RXFP1: variants seen among roughly 807,000 people sequenced by gnomAD.
RXFP1 encodes relaxin receptor 1.
Under a neutral mutation model 89.8 loss-of-function variants are expected in RXFP1, and 73 were observed. That is an observed-to-expected ratio of 0.81 (90% CI 0.67 to 0.99). The LOEUF (loss-of-function observed/expected upper bound fraction) is 0.99. Among genes scored for constraint, RXFP1 ranks in the 50% least tolerant of loss-of-function variants. The pLI, the probability that RXFP1 is intolerant of heterozygous loss-of-function variation, is 0.00. For missense variants in RXFP1, 793 were observed against 895.5 expected (o/e 0.89, Z 1.46); for synonymous variants, 277 against 305.5 (o/e 0.91, Z 0.97).
chr4:158,560,792 C>G (rs142969282), intron 1 of RXFP1, among the ~76,000 whole-genome samples: 255 of 152,298 alleles, frequency 1.7e-3, no homozygotes, highest in Non-Finnish European at 3.1e-3. Context: ...TCTCTTGTGT[C>G]AAGAAAGCTA....
At chr4:158,529,104 A>G (rs1487454681) in intron 1 of RXFP1, among the ~76,000 whole-genome samples, 1 of 152,214 alleles carries the variant, frequency 6.6e-6, no homozygotes, top group African/African-American at 2.4e-5. Flanking sequence ...AAGGACACTC[A>G]CAGAGCAACA....
At position 158,644,953 on chromosome 4, in the gene RXFP1, G is replaced by A. The variant is rs946293273; in HGVS notation, c.1160G>A (p.Arg387His). Residue 387 changes from arginine to histidine, a missense_variant, in exon 15 of 18, where the codon CGC becomes CAC. Arg to His is a conservative substitution (Grantham distance 29). Coordinates refer to ENST00000307765, the MANE Select transcript of RXFP1 (RefSeq NM_021634.4). ...TACTGTGGGTATGCACCACATGTTC[G>A]CAGCTGTAAACCAAACACTGATGGA... Reference protein sequence around the residue: ...FQYCGYAPHVRSCKPNTDGIS... With the variant: ...FQYCGYAPHVHSCKPNTDGIS... The A allele has an allele frequency of 4.3e-6, 7 of 1,613,922 alleles. No individual in the cohort carries two copies. Among genetic ancestry groups the A allele is most frequent in the Non-Finnish European group, 5.9e-6 (7 of 1,179,964 alleles).
In RXFP1 at chr4:158,648,703, A is replaced by G. The variant is rs746926440; in HGVS notation, c.1961A>G (p.Gln654Arg). The G allele has an allele frequency of 6.3e-7, 1 of 1,582,254 alleles. No individual in the cohort carries two copies. Residue 654 changes from glutamine to arginine, a missense_variant, in exon 17 of 18, where the codon CAG (glutamine) becomes CGG (arginine). Gln to Arg is a conservative substitution (Grantham distance 43). Transcript: ENST00000307765. Reference sequence around the variant, plus strand: ...GTAGTGAAATTTCTTTCACTGCTTCAGGTAGAAATACCAGGTACAATATTT... The same window carrying G: ...GTAGTGAAATTTCTTTCACTGCTTCGGGTAGAAATACCAGGTACAATATTT... Reference protein sequence around the residue: ...IFVVKFLSLLQVEIPGTITSW... With the variant: ...IFVVKFLSLLRVEIPGTITSW...
intron 2 of RXFP1, among the ~76,000 whole-genome samples, chr4:158,576,714 A>G (rs1756293935): frequency 6.6e-6 from 1 of 152,130 alleles, no homozygotes; most frequent in African/African-American, 2.4e-5. Context: ...TAGCTCCTCT[A>G]GGAAAACCGG....
chr4:158,643,476 T>TTG (rs1483687437), intron 14 of RXFP1, among the ~76,000 whole-genome samples: 1 of 145,078 alleles, frequency 6.9e-6, no homozygotes. Context: ...TAGTTTTTTT[T>TTG]TTTTTTTTTT....
At chr4:158,596,848 A>C (rs559263981) in intron 3 of RXFP1, among the ~76,000 whole-genome samples, 68 of 152,234 alleles carry the variant, frequency 4.5e-4, no homozygotes, top group Non-Finnish European at 8.1e-4. Context: ...AAAGCAAAAC[A>C]AACAAATGGG....
intron 4 of RXFP1, among the ~76,000 whole-genome samples, chr4:158,603,567 T>C (rs1233967937): frequency 3.9e-5 from 6 of 152,058 alleles, no homozygotes; most frequent in Admixed American, 2.0e-4. Context: ...CTTTTTTTTT[T>C]CTATTTGTCC....
intron 4 of RXFP1, among the ~76,000 whole-genome samples, chr4:158,600,748 G>A (rs946834720): frequency 6.6e-6 from 1 of 151,862 alleles, no homozygotes; most frequent in Non-Finnish European, 1.5e-5. Flanking sequence ...GATCACTTGA[G>A]CCTGGGAGGT....
intron 1 of RXFP1, among the ~76,000 whole-genome samples, chr4:158,538,158 T>G (rs766353019): frequency 6.6e-6 from 1 of 152,146 alleles, no homozygotes; most frequent in Non-Finnish European, 1.5e-5. Flanking sequence ...AAGGTAAAGG[T>G]TAAAAGTTTG....
At chr4:158,625,775 C>T (rs1181784973) in intron 9 of RXFP1, among the ~76,000 whole-genome samples, 1 of 152,048 alleles carries the variant, frequency 6.6e-6, no homozygotes, top group African/African-American at 2.4e-5. Flanking sequence ...CACTTCTGCT[C>T]ACATGTTTTA....
intron 1 of RXFP1, among the ~76,000 whole-genome samples, chr4:158,551,400 A>G (rs1750077852): frequency 2.0e-5 from 3 of 152,230 alleles, no homozygotes; most frequent in Admixed American, 2.0e-4. Flanking sequence ...ACAAATAAGA[A>G]TTAAAAAATC....
At chr4:158,591,501 C>A (rs528772222) in intron 2 of RXFP1, among the ~76,000 whole-genome samples, 1 of 151,166 alleles carries the variant, frequency 6.6e-6, no homozygotes, top group African/African-American at 2.4e-5. Flanking sequence ...ATAATCCCAG[C>A]ACTTTTCGAG....
intron 14 of RXFP1, among the ~76,000 whole-genome samples, chr4:158,639,975 C>G (rs1209571587): frequency 2.0e-5 from 3 of 152,178 alleles, no homozygotes; most frequent in Admixed American, 2.0e-4. Flanking sequence ...CTACCAGACA[C>G]TGAATCTGCT....
chr4:158,596,430 A>T (rs1485294346), intron 3 of RXFP1, among the ~76,000 whole-genome samples: 3 of 151,680 alleles, frequency 2.0e-5, no homozygotes, highest in Non-Finnish European at 4.4e-5. Context: ...CTGGCTAATT[A>T]TGTATTTTTA....
At chr4:158,648,767 G>T in intron 17 of RXFP1, 50 bp downstream of exon 17, 1 of 1,153,302 alleles carries the variant, frequency 8.7e-7, no homozygotes, top group Non-Finnish European at 1.2e-6. Context: ...TGTTTTTACA[G>T]TGTTCTTTTA....
At chr4:158,544,301 G>C (rs916548938) in intron 1 of RXFP1, 1 of 985,008 alleles carries the variant, frequency 1.0e-6, no homozygotes, top group Non-Finnish European at 1.2e-6. Flanking sequence ...GGAATGCCCT[G>C]AGCAACAAAA....
chr4:158,554,534 A>G (rs996307322), intron 1 of RXFP1, among the ~76,000 whole-genome samples: 2 of 152,192 alleles, frequency 1.3e-5, no homozygotes, highest in African/African-American at 2.4e-5. Flanking sequence ...TATGCCTTGA[A>G]CAACTTATTA....
intron 1 of RXFP1, among the ~76,000 whole-genome samples, chr4:158,540,763 G>A (rs1267184881): frequency 6.6e-6 from 1 of 152,010 alleles, no homozygotes; most frequent in African/African-American, 2.4e-5. Flanking sequence ...TCCCTGCCCC[G>A]CAGCAGCCAC....
intron 15 of RXFP1, 171 bp from the exon 16 acceptor site, chr4:158,646,620 T>C: frequency 3.5e-6 from 5 of 1,413,654 alleles, no homozygotes; most frequent in Non-Finnish European, 4.6e-6. Flanking sequence ...CCAAAGAGAG[T>C]CTATGAATAG....
Sources: allele counts gnomAD v4.1 joint callset (sites outside exome capture counted in the v4.1 genomes callset), GRCh38; gene constraint gnomAD v4.1.1; transcripts MANE v1.5; gene names NCBI Gene and HGNC (gene_info 2026-07-23, HGNC 2026-07-21).